The following ZNF385B variants were observed in gnomAD, a reference collection of about 807,000 sequenced individuals.
ZNF385B encodes zinc finger protein 533.
A neutral mutation model predicts 39.2 loss-of-function variants in ZNF385B; 23 were observed. That is an observed-to-expected ratio of 0.59 (90% CI 0.42 to 0.83). ZNF385B has a LOEUF of 0.83. ZNF385B is among the 40% of genes least tolerant of loss of function. The pLI, the probability that ZNF385B is intolerant of heterozygous loss-of-function variation, is 0.00. For missense variants in ZNF385B, 552 were observed against 598.9 expected, an observed-to-expected ratio of 0.92 and a Z score of 0.82; for synonymous variants, 205 against 222.6, an observed-to-expected ratio of 0.92 and a Z score of 0.70.
At chr2:179,819,998 T>C (rs1707308618) in intron 1 of ZNF385B, among the ~76,000 whole-genome samples, 2 of 152,184 alleles carry the variant, frequency 1.3e-5, no homozygotes, top group Admixed American at 6.5e-5. Flanking sequence ...AAAAATAAGT[T>C]TATCTTATGT....
At chr2:179,491,295 T>C (rs1249220600) in intron 5 of ZNF385B, among the ~76,000 whole-genome samples, 1 of 152,226 alleles carries the variant, frequency 6.6e-6, no homozygotes, top group African/African-American at 2.4e-5. Flanking sequence ...CTAAGAGGTA[T>C]ATTTACTTCA....
chr2:179,631,612 A>C (rs1691224135), intron 3 of ZNF385B, among the ~76,000 whole-genome samples: 1 of 152,230 alleles, frequency 6.6e-6, no homozygotes, highest in Non-Finnish European at 1.5e-5. Flanking sequence ...AACTGCATCA[A>C]CTAAGGAGCA....
intron 3 of ZNF385B, among the ~76,000 whole-genome samples, chr2:179,630,005 T>C (rs562258129): frequency 6.6e-6 from 1 of 152,310 alleles, no homozygotes; most frequent in African/African-American, 2.4e-5. Flanking sequence ...GTAAACAAAG[T>C]GGCCAAGAAG....
chr2:179,499,397 A>G (rs1352334138), intron 5 of ZNF385B, among the ~76,000 whole-genome samples: 1 of 152,094 alleles, frequency 6.6e-6, no homozygotes, highest in East Asian at 1.9e-4. Context: ...AATCCTCAAT[A>G]AAATACTAGG....
chr2:179,449,698 T>G (rs2049884029), intron 6 of ZNF385B, among the ~76,000 whole-genome samples: 1 of 152,152 alleles, frequency 6.6e-6, no homozygotes, highest in African/African-American at 2.4e-5. Context: ...ATAGATTCAA[T>G]GCCATCCCCA....
At chr2:179,561,930 C>G (rs555329842) in intron 3 of ZNF385B, among the ~76,000 whole-genome samples, 16 of 152,248 alleles carry the variant, frequency 1.1e-4, no homozygotes, top group African/African-American at 3.9e-4. Context: ...TCCCACGTCA[C>G]TCAATTTGAT....
At chr2:179,823,818 A>C (rs572053935) in intron 1 of ZNF385B, among the ~76,000 whole-genome samples, 3 of 152,296 alleles carry the variant, frequency 2.0e-5, no homozygotes, top group South Asian at 4.1e-4. Flanking sequence ...CTTCTCAAAA[A>C]TGATGGTTTC....
At chr2:179,526,616 GA>G (rs145973652) in intron 4 of ZNF385B, among the ~76,000 whole-genome samples, 6 of 150,936 alleles carry the variant, frequency 4.0e-5, no homozygotes, top group South Asian at 2.1e-4. Context: ...GAGAAATAAA[GA>G]AAAAAAAATA....
chr2:179,734,887 G>A (rs1701640056), intron 3 of ZNF385B, among the ~76,000 whole-genome samples: 1 of 152,010 alleles, frequency 6.6e-6, no homozygotes, highest in African/African-American at 2.4e-5. Flanking sequence ...AATTCAAGAT[G>A]GATTAAAGAC....
rs565514211 is a variant in ZNF385B at position 179,698,026 on chromosome 2, C to T, written c.298+71477G>A. Among the ~76,000 whole-genome samples the T allele has an allele frequency of 6.6e-5, 10 of 152,236 alleles. No homozygotes were observed. The South Asian group carries it at 2.1e-3, about 32-fold the overall frequency. Reference sequence around the variant, plus strand: ...TGGACACAGGGTGGGGAACATCATACACCAGGGCCTGTCGTGGAGTGGAGT... The same window carrying T: ...TGGACACAGGGTGGGGAACATCATATACCAGGGCCTGTCGTGGAGTGGAGT... On this transcript the variant is annotated intron_variant, in intron 3 of 9. Coordinates refer to ENST00000410066, the MANE Select transcript of ZNF385B (RefSeq NM_152520.6).
At chr2:179,524,066 G>A (rs1231817575) in intron 4 of ZNF385B, among the ~76,000 whole-genome samples, 1 of 151,942 alleles carries the variant, frequency 6.6e-6, no homozygotes, top group African/African-American at 2.4e-5. Flanking sequence ...TCAAAGTGCT[G>A]GGATTACAGA....
At chr2:179,746,633 T>A (rs1702399079) in intron 3 of ZNF385B, among the ~76,000 whole-genome samples, 1 of 152,304 alleles carries the variant, frequency 6.6e-6, no homozygotes, top group African/African-American at 2.4e-5. Context: ...AACACTATAA[T>A]CTTTGCTCAT....
chr2:179,501,819 T>C (rs575234382), intron 5 of ZNF385B, among the ~76,000 whole-genome samples: 2 of 152,316 alleles, frequency 1.3e-5, no homozygotes, highest in East Asian at 3.9e-4. Flanking sequence ...TCACATTGCA[T>C]GCCCATATCA....
intron 3 of ZNF385B, among the ~76,000 whole-genome samples, chr2:179,609,461 C>A (rs1689107710): frequency 6.6e-6 from 1 of 152,156 alleles, no homozygotes; most frequent in African/African-American, 2.4e-5. Flanking sequence ...ACCACATTTT[C>A]TTATCCATTA....
intron 3 of ZNF385B, among the ~76,000 whole-genome samples, chr2:179,563,218 T>C (rs1684144256): frequency 6.6e-6 from 1 of 152,214 alleles, no homozygotes; most frequent in Non-Finnish European, 1.5e-5. Context: ...TCATATCTAA[T>C]TAATTTAACT....
chr2:179,719,841 G>A (rs916748853), intron 3 of ZNF385B, among the ~76,000 whole-genome samples: 3 of 152,194 alleles, frequency 2.0e-5, no homozygotes, highest in African/African-American at 7.2e-5. Flanking sequence ...CATACATGAA[G>A]GGGACCATAT....
At chr2:179,841,950 C>A (rs535947813) in intron 1 of ZNF385B, among the ~76,000 whole-genome samples, 166 of 152,274 alleles carry the variant, frequency 1.1e-3, no homozygotes, top group African/African-American at 3.8e-3. Context: ...TTCCACATTG[C>A]AGCTAAATTA....
chr2:179,818,642 A>G lies in ZNF385B; in HGVS notation c.-155+42459T>C, dbSNP rs531654806. Among the ~76,000 whole-genome samples, 52 of 152,322 alleles carry G rather than the reference A, an allele frequency of 3.4e-4. 1 individual carries two copies. In the South Asian group the frequency reaches 0.01, roughly 30 times the overall value. On this transcript the variant is annotated intron_variant, in intron 1 of 9. Transcript: ENST00000410066. ...CAAAACTAAGTACCACGAAGCACTG[A>G]CACGGTATGCTGGACTACAACTTGT...
At chr2:179,646,323 A>C (rs1181232209) in intron 3 of ZNF385B, among the ~76,000 whole-genome samples, 1 of 152,200 alleles carries the variant, frequency 6.6e-6, no homozygotes, top group Non-Finnish European at 1.5e-5. Context: ...GCTGAGGCAA[A>C]ATAGCTTGAA....
Sources: gnomAD v4.1 joint callset for allele counts (sites outside exome capture counted in the v4.1 genomes callset) on GRCh38, gnomAD v4.1.1 for gene constraint, MANE v1.5 for transcripts, NCBI Gene and HGNC (gene_info 2026-07-23, HGNC 2026-07-21) for gene names.